Variants in PAK3 observed in about 807,000 individuals in gnomAD.
PAK3 encodes the protein p21 (RAC1) activated kinase 3.
A neutral mutation model predicts 41.0 loss-of-function variants in PAK3; 4 were observed. The ratio of observed to expected loss-of-function variants is 0.10; its 90% CI spans 0.05 to 0.22. The LOEUF is 0.22. Among genes scored for constraint, PAK3 ranks in the 10% least tolerant of loss-of-function variants. The pLI is 1.00. For missense variants in PAK3, 205 were observed against 409.9 expected (o/e 0.50, Z 4.32); for synonymous variants, 146 against 139.6 (o/e 1.05, Z -0.32).
chrX:111,198,531 A>G (rs1197491621), intron 16 of PAK3, among the ~76,000 whole-genome samples: 5 of 111,993 alleles, frequency 4.5e-5, no homozygotes, highest in African/African-American at 1.6e-4. Context: ...TCCAATTTCA[A>G]TCTTCTGCAT....
In PAK3 at chrX:111,194,406, T is replaced by C; in HGVS notation, c.1098T>C (p.Ala366=). The change falls in exon 14 of 18, where the codon GCT becomes GCC. Residue 366 remains alanine (A), a synonymous_variant. Transcript: ENST00000372007. ...GTATGGATGAAGGACAGATAGCAGC[T>C]GTCTGCAGAGAGGTAAGCAAATAGA... ...ETCMDEGQIA[A]VCRECLQALD... 9.1e-7 allele frequency: 1 copy of C among 1,093,750 alleles called. No homozygotes were observed. Among genetic ancestry groups the C allele is most frequent in the Non-Finnish European group, 1.3e-6 (1 of 787,755 alleles). The allele number at this position is 1,093,750 out of a possible 1,213,427, so 90.1% of individuals were successfully genotyped here.
At chrX:111,164,415 C>T (rs186994207) in intron 10 of PAK3, among the ~76,000 whole-genome samples, 5 of 111,154 alleles carry the variant, frequency 4.5e-5, no homozygotes, top group Non-Finnish European at 7.6e-5. Context: ...AAGTGCCCCC[C>T]CCAACCCCAG....
Position 111,224,943 on chromosome X carries a change from A to G in PAK3, c.*4496A>G, listed in dbSNP as rs2094946228. The G allele has an allele frequency of 8.9e-6, 1 of 112,001 alleles. No homozygotes were observed. The highest frequency in any genetic ancestry group is 3.8e-4 in the South Asian group (1 of 2,659). The allele number at this position is 112,001 out of a possible 1,213,427, so 9.2% of individuals were successfully genotyped here. A position where few individuals can be genotyped will look rare whatever the true frequency, so the allele number is the denominator to read the frequency against. Reference sequence around the variant, plus strand: ...TCTTTATCTAAGCTACTTGCAGTTAATATTCAGTTAAGCAAAGGTATGGCC... The same window carrying G: ...TCTTTATCTAAGCTACTTGCAGTTAGTATTCAGTTAAGCAAAGGTATGGCC... On this transcript the variant is annotated 3_prime_UTR_variant, in exon 18 of 18. Coordinates refer to ENST00000372007, the MANE Select transcript of PAK3 (RefSeq NM_002578.5).
intron 1 of PAK3, among the ~76,000 whole-genome samples, chrX:111,016,146 T>C (rs1267269707): frequency 8.9e-6 from 1 of 112,675 alleles, no homozygotes; most frequent in African/African-American, 3.2e-5. Context: ...AACCAATTAA[T>C]TGAATCTCCA....
intron 1 of PAK3, among the ~76,000 whole-genome samples, chrX:110,978,205 A>C (rs2091375335): frequency 9.0e-6 from 1 of 111,431 alleles, no homozygotes; most frequent in Non-Finnish European, 1.9e-5. Flanking sequence ...GCAGATGTTA[A>C]AACAACCTTG....
At chrX:111,028,578 T>C (rs984481232) in intron 1 of PAK3, among the ~76,000 whole-genome samples, 3 of 111,479 alleles carry the variant, frequency 2.7e-5, no homozygotes, top group African/African-American at 9.8e-5. Context: ...AATTAAAAAT[T>C]GAAGCCTGTT....
chrX:111,157,651 G>T (rs1325313864), intron 8 of PAK3, among the ~76,000 whole-genome samples: 3 of 110,587 alleles, frequency 2.7e-5, no homozygotes, highest in African/African-American at 9.9e-5. Flanking sequence ...GCTGGGCGTG[G>T]TGGCACATGC....
chrX:111,109,461 C>T (rs2093331230), intron 4 of PAK3, among the ~76,000 whole-genome samples: 6 of 111,882 alleles, frequency 5.4e-5, no homozygotes, highest in Admixed American at 2.8e-4. Context: ...CCACTCAAGA[C>T]GATGAGTGAA....
intron 12 of PAK3, 34 bp from the exon 13 acceptor site, chrX:111,192,472 T>A (rs375907575): frequency 4.5e-5 from 33 of 732,371 alleles, no homozygotes; most frequent in Non-Finnish European, 6.7e-5. Flanking sequence ...TTATAATGAT[T>A]GTAATTCATT....
At chrX:110,948,680 G>A (rs1037817593) in intron 1 of PAK3, among the ~76,000 whole-genome samples, 1 of 111,114 alleles carries the variant, frequency 9.0e-6, no homozygotes, top group African/African-American at 3.3e-5. Context: ...AGAGACTGTT[G>A]CACAAGGCAT....
intron 16 of PAK3, among the ~76,000 whole-genome samples, chrX:111,215,110 T>G (rs911210008): frequency 3.6e-5 from 4 of 111,973 alleles, no homozygotes; most frequent in African/African-American, 1.3e-4. Context: ...TCTCTATATA[T>G]GTCTGTCTCC....
In PAK3 at chrX:111,192,520, G is replaced by A; in HGVS notation, c.894G>A (p.Gln298=). Reference sequence around the variant, plus strand: ...TTGCCATTCAGGTGGCCATAAAGCAGATGAACCTTCAACAGCAACCCAAGA... The same window carrying A: ...TTGCCATTCAGGTGGCCATAAAGCAAATGAACCTTCAACAGCAACCCAAGA... ...IATGQEVAIK[Q]MNLQQQPKKE... The change falls in exon 13 of 18, where the codon CAG becomes CAA. Residue 298 remains glutamine, a synonymous_variant. Coordinates refer to ENST00000372007, the MANE Select transcript of PAK3 (RefSeq NM_002578.5). 1 of 1,141,246 alleles carries A rather than the reference G, an allele frequency of 8.8e-7. No homozygotes were observed. The highest frequency in any genetic ancestry group is 1.2e-6 in the Non-Finnish European group (1 of 831,542). 94.1% of individuals were successfully genotyped at this position (1,141,246 alleles called of 1,213,427 possible).
At chrX:110,967,746 G>T (rs553142985) in intron 1 of PAK3, among the ~76,000 whole-genome samples, 1 of 112,037 alleles carries the variant, frequency 8.9e-6, no homozygotes, top group South Asian at 3.7e-4. Flanking sequence ...ACAGGAAGTT[G>T]CCAAGGTGTT....
chrX:111,025,489 A>G (rs1202991103), intron 1 of PAK3, among the ~76,000 whole-genome samples: 1 of 111,534 alleles, frequency 9.0e-6, no homozygotes, highest in Admixed American at 9.6e-5. Context: ...AATACCAAAG[A>G]TCATTCAAGG....
chrX:110,979,422 C>T (rs765086411), intron 1 of PAK3, among the ~76,000 whole-genome samples: 18 of 106,888 alleles, frequency 1.7e-4, no homozygotes, highest in African/African-American at 5.5e-4. Context: ...CCTCAGCCTG[C>T]GGAGTAGCTG....
intron 1 of PAK3, among the ~76,000 whole-genome samples, chrX:110,953,496 C>A (rs188665733): frequency 9.3e-4 from 104 of 112,192 alleles, no homozygotes; most frequent in Non-Finnish European, 2.3e-4. Context: ...TTTGAAGGCC[C>A]CACCTCAACC....
At chrX:111,134,580 G>T (rs982622817) in intron 5 of PAK3, among the ~76,000 whole-genome samples, 1 of 111,990 alleles carries the variant, frequency 8.9e-6, no homozygotes, top group Admixed American at 9.4e-5. Flanking sequence ...TGGCCTTAAA[G>T]AACTGAAGCT....
intron 4 of PAK3, among the ~76,000 whole-genome samples, chrX:111,112,215 C>T (rs1250348580): frequency 9.0e-6 from 1 of 110,608 alleles, no homozygotes. Context: ...CTTAATTCGT[C>T]TCTATGGATC....
chrX:111,080,663 G>A (rs1349077831), intron 1 of PAK3, among the ~76,000 whole-genome samples: 4 of 111,532 alleles, frequency 3.6e-5, no homozygotes, highest in African/African-American at 1.3e-4. Flanking sequence ...ACCATTATGA[G>A]AAACAGTATG....
Sources: gnomAD v4.1 joint callset for allele counts (sites outside exome capture counted in the v4.1 genomes callset) on GRCh38, gnomAD v4.1.1 for gene constraint, MANE v1.5 for transcripts, NCBI Gene and HGNC (gene_info 2026-07-23, HGNC 2026-07-21) for gene names.